The following IMPG1 variants were observed in gnomAD, a reference collection of about 807,000 sequenced individuals.
The protein encoded by IMPG1 is interphotoreceptor matrix proteoglycan 1.
Under a neutral mutation model 92.0 loss-of-function variants are expected in IMPG1, and 85 were observed. The observed-to-expected ratio is 0.92, with a 90% CI of 0.78 to 1.11. The LOEUF is 1.11. IMPG1 is among the 50% of genes least tolerant of loss of function. The pLI is 0.00. For missense variants in IMPG1, 1,022 were observed against 956.0 expected, an observed-to-expected ratio of 1.07 and a Z score of -0.91; for synonymous variants, 367 against 334.1, an observed-to-expected ratio of 1.10 and a Z score of -1.08.
Position 76,031,840 on chromosome 6 carries a change from C to G in IMPG1, c.497+2475G>C, listed in dbSNP as rs573499605. 1.4e-4 allele frequency among the ~76,000 whole-genome samples: 21 copies of G among 152,272 alleles called. No individual in the cohort carries two copies. The South Asian group carries it at 3.3e-3, about 24-fold the overall frequency. ...TTACAAGTCAACAGTCCATTTTGTG[C>G]AGGACTCTGTGGGATGACGTTTTCT... is the stretch of plus-strand genomic sequence containing the variant. On this transcript the variant is annotated intron_variant, in intron 4 of 16. Transcript: ENST00000369950.
chr6:75,951,141 A>G (rs1229144337), intron 12 of IMPG1, 47 bp from the exon 13 acceptor site: 2 of 1,422,736 alleles, frequency 1.4e-6, no homozygotes, highest in Non-Finnish European at 1.9e-6. Context: ...TCCCCAAAGA[A>G]TAGAAAGTGA....
rs1255974828 is a variant in IMPG1 at position 75,922,144 on chromosome 6, TC to T, written c.2338del (p.Glu780AsnfsTer3). ...NNKVISKRNS[E>X]LLTVEYEEFN... ...TTCTTCATATTCTACGGTCAGTAAT[TC>T]AGAATTTCTTTTACTGATTACCTGA... On this transcript the variant is annotated frameshift_variant, in exon 17 of 17. Coordinates refer to ENST00000369950, the MANE Select transcript of IMPG1 (RefSeq NM_001563.4). LOFTEE classifies it high-confidence loss of function. The T allele has an allele frequency of 1.4e-5, 19 of 1,403,200 alleles. No homozygotes were observed. Among genetic ancestry groups the T allele is most frequent in the Non-Finnish European group, 4.0e-6 (4 of 1,000,046 alleles). The allele number at this position is 1,403,200 out of a possible 1,614,324, so 86.9% of individuals were successfully genotyped here. A position where few individuals can be genotyped will look rare whatever the true frequency, so the allele number is the denominator to read the frequency against.
At chr6:75,926,838 G>A (rs1389523247) in intron 15 of IMPG1, among the ~76,000 whole-genome samples, 1 of 152,084 alleles carries the variant, frequency 6.6e-6, no homozygotes, top group African/African-American at 2.4e-5. Flanking sequence ...AATATTGGAT[G>A]GAGGAAAAGA....
intron 4 of IMPG1, among the ~76,000 whole-genome samples, chr6:76,026,077 C>A (rs1373463620): frequency 2.6e-5 from 4 of 152,116 alleles, no homozygotes; most frequent in Non-Finnish European, 5.9e-5. Context: ...ACCTGGGATT[C>A]AAGCTGCATG....
intron 11 of IMPG1, among the ~76,000 whole-genome samples, chr6:76,003,201 A>T (rs1421892200): frequency 1.3e-5 from 2 of 152,196 alleles, no homozygotes. Flanking sequence ...AATAAGATCT[A>T]TTGCTTCTCG....
At chr6:76,001,948 C>T (rs900559982) in intron 12 of IMPG1, among the ~76,000 whole-genome samples, 1 of 152,120 alleles carries the variant, frequency 6.6e-6, no homozygotes, top group Non-Finnish European at 1.5e-5. Context: ...AAATACCTTG[C>T]ATTCTGTAAA....
At chr6:75,944,619 T>G (rs970166189) in intron 14 of IMPG1, among the ~76,000 whole-genome samples, 6 of 152,220 alleles carry the variant, frequency 3.9e-5, no homozygotes, top group African/African-American at 1.2e-4. Flanking sequence ...TTTCAATGTA[T>G]ATAAAATTTA....
intron 14 of IMPG1, chr6:75,935,038 G>C (rs986834088): frequency 2.3e-5 from 11 of 470,230 alleles, no homozygotes; most frequent in South Asian, 1.7e-4. Flanking sequence ...CTGAGGTCCC[G>C]TTGGGTCTCT....
chr6:76,007,989 A>G (rs908254511), intron 8 of IMPG1, among the ~76,000 whole-genome samples: 4 of 152,202 alleles, frequency 2.6e-5, no homozygotes, highest in African/African-American at 9.6e-5. Context: ...TTCTTGACAG[A>G]TTATGTTTTG....
In IMPG1 at chr6:75,951,108, A is replaced by G; in HGVS notation, c.1292-14T>C. On this transcript the variant is annotated splice_polypyrimidine_tract_variant and intron_variant, in intron 12 of 16. Coordinates refer to ENST00000369950, the MANE Select transcript of IMPG1 (RefSeq NM_001563.4). ...ACCAAGAAGTGTCTGTGGAGGAAGT[A>G]CAATTTCATTATGTCCAAGTATTCC... 5 of 1,566,192 alleles carry G rather than the reference A, an allele frequency of 3.2e-6. No homozygotes were observed. The highest frequency in any genetic ancestry group is 4.3e-6 in the Non-Finnish European group (5 of 1,155,284).
rs777324890 is a variant in IMPG1 at position 75,951,028 on chromosome 6, G to A, written c.1358C>T (p.Ala453Val). ...SLSEAPPFFMASSIFSLTDQG... is the reference protein window; with the variant it reads ...SLSEAPPFFMVSSIFSLTDQG... ...ATCAGTCAGAGAGAAGATGCTTGAT[G>A]CCATAAAGAAAGGTGGAGCTTCTGA... is the stretch of plus-strand genomic sequence containing the variant. Residue 453 changes from alanine (A) to valine (V), a missense_variant, in exon 13 of 17, where the codon GCA (alanine) becomes GTA (valine). By Grantham distance (64) the Ala-to-Val change is moderately conservative. Transcript: ENST00000369950. The A allele has an allele frequency of 9.3e-6, 15 of 1,613,624 alleles. No homozygotes were observed. The highest frequency in any genetic ancestry group is 1.3e-5 in the Non-Finnish European group (15 of 1,179,746).
At chr6:76,044,999 A>G (rs754374265) in intron 1 of IMPG1, among the ~76,000 whole-genome samples, 1 of 152,058 alleles carries the variant, frequency 6.6e-6, no homozygotes, top group Non-Finnish European at 1.5e-5. Context: ...CCTTTCCCCT[A>G]CTAGGGTCAG....
intron 1 of IMPG1, among the ~76,000 whole-genome samples, chr6:76,050,024 A>T (rs1231167475): frequency 3.9e-5 from 6 of 152,190 alleles, no homozygotes; most frequent in African/African-American, 1.4e-4. Context: ...AAATTAAAGG[A>T]ACAACCACTG....
chr6:75,985,689 T>C (rs1240616246), intron 12 of IMPG1, among the ~76,000 whole-genome samples: 1 of 152,226 alleles, frequency 6.6e-6, no homozygotes, highest in Non-Finnish European at 1.5e-5. Context: ...ATTATCTGGC[T>C]CCAGGCTGGA....
At chr6:76,057,603 AG>A (rs1181832896) in intron 1 of IMPG1, among the ~76,000 whole-genome samples, 2 of 152,068 alleles carry the variant, frequency 1.3e-5, no homozygotes, top group Non-Finnish European at 2.9e-5. Context: ...TCCAAATGGG[AG>A]GGGTAAAATT....
In IMPG1 at chr6:76,032,827, T is replaced by C. The variant is rs1269920285; in HGVS notation, c.497+1488A>G. Among the ~76,000 whole-genome samples, 6 of 152,020 alleles carry C rather than the reference T, an allele frequency of 3.9e-5. No homozygotes were observed. In the South Asian group the frequency reaches 1.2e-3, roughly 32 times the overall value. On this transcript the variant is annotated intron_variant, in intron 4 of 16. Transcript: ENST00000369950. ...CCGAGTGAGTAGGGTGTGGTCGATA[T>C]GCAGTGAGGAAGAGGCATGGTGGCA... is the stretch of plus-strand genomic sequence containing the variant.
chr6:76,061,954 T>C (rs991499696), intron 1 of IMPG1, among the ~76,000 whole-genome samples: 2 of 152,222 alleles, frequency 1.3e-5, no homozygotes, highest in African/African-American at 4.8e-5. Context: ...CTATCTCACC[T>C]TTATGTATCT....
intron 12 of IMPG1, among the ~76,000 whole-genome samples, chr6:75,952,572 A>T (rs1782050508): frequency 6.6e-6 from 1 of 152,092 alleles, no homozygotes; most frequent in African/African-American, 2.4e-5. Context: ...ATGTTACCTA[A>T]TATCTAAGAT....
chr6:76,004,907 A>T (rs567496244), intron 10 of IMPG1, among the ~76,000 whole-genome samples: 3 of 152,134 alleles, frequency 2.0e-5, no homozygotes, highest in Non-Finnish European at 4.4e-5. Context: ...CTCAAATTAT[A>T]CTAATTTGAA....
Sources: allele counts gnomAD v4.1 joint callset (sites outside exome capture counted in the v4.1 genomes callset), GRCh38; gene constraint gnomAD v4.1.1; transcripts MANE v1.5; gene names NCBI Gene and HGNC (gene_info 2026-07-23, HGNC 2026-07-21).